Variants in DPYD observed in about 807,000 individuals in gnomAD.
DPYD encodes the protein dihydropyrimidine dehydrogenase.
A neutral mutation model predicts 116.2 loss-of-function variants in DPYD; 109 were observed. That is an observed-to-expected ratio of 0.94 (90% CI 0.80 to 1.10). The LOEUF (loss-of-function observed/expected upper bound fraction) is 1.10, where lower values mean the gene tolerates loss of function less well. Among genes scored for constraint, DPYD ranks in the 50% least tolerant of loss-of-function variants. The pLI is 0.00. For missense variants in DPYD, 1,302 were observed against 1,254.5 expected, an observed-to-expected ratio of 1.04 and a Z score of -0.57; for synonymous variants, 440 against 432.0, an observed-to-expected ratio of 1.02 and a Z score of -0.23.
intron 15 of DPYD, among the ~76,000 whole-genome samples, chr1:97,374,420 A>G (rs963987033): frequency 6.6e-6 from 1 of 152,160 alleles, no homozygotes; most frequent in Non-Finnish European, 1.5e-5. Flanking sequence ...TAAACAAAAC[A>G]CTTTTAAAAG....
rs1007336086 is a variant in DPYD at position 97,373,552 on chromosome 1, G to C, written c.2058+9C>G. On this transcript the variant is annotated intron_variant, in intron 16 of 22. Coordinates refer to ENST00000370192, the MANE Select transcript of DPYD (RefSeq NM_000110.4). ...TGACATACTTAGTGGCAGCTGTCAA[G>C]GTCCTTACCTGCCCACAGGCCAGGC... is the stretch of plus-strand genomic sequence containing the variant. 1.2e-6 allele frequency: 2 copies of C among 1,612,996 alleles called. No individual in the cohort carries two copies. Among genetic ancestry groups the C allele is most frequent in the Non-Finnish European group, 1.7e-6 (2 of 1,179,230 alleles).
At chr1:97,282,305 A>C (rs909555851) in intron 18 of DPYD, among the ~76,000 whole-genome samples, 1 of 152,098 alleles carries the variant, frequency 6.6e-6, no homozygotes, top group Non-Finnish European at 1.5e-5. Flanking sequence ...TTTTTGATAT[A>C]TAAAAAATTA....
chr1:97,401,529 G>T (rs1471028404), intron 14 of DPYD, among the ~76,000 whole-genome samples: 2 of 152,204 alleles, frequency 1.3e-5, no homozygotes, highest in East Asian at 3.9e-4. Context: ...GGCCAGGCTG[G>T]TTTCAAACTC....
At chr1:97,546,224 G>T in intron 12 of DPYD, 1 of 1,540,146 alleles carries the variant, frequency 6.5e-7, no homozygotes, top group Non-Finnish European at 9.0e-7. Context: ...GATGGCAACA[G>T]AAGAGTAAAG....
intron 1 of DPYD, among the ~76,000 whole-genome samples, chr1:97,918,597 A>G (rs950238047): frequency 2.0e-4 from 30 of 152,170 alleles, no homozygotes; most frequent in African/African-American, 7.2e-4. Context: ...TTGGATTCAG[A>G]CTAGAAATTA....
chr1:97,708,191 T>C (rs1662088737), intron 5 of DPYD, among the ~76,000 whole-genome samples: 1 of 152,080 alleles, frequency 6.6e-6, no homozygotes, highest in East Asian at 1.9e-4. Context: ...TTTATAAATC[T>C]TGCCTTTGAT....
At chr1:97,414,746 G>A (rs779218148) in intron 14 of DPYD, among the ~76,000 whole-genome samples, 27 of 152,172 alleles carry the variant, frequency 1.8e-4, no homozygotes, top group Non-Finnish European at 1.8e-4. Context: ...TTCTAGGTGC[G>A]AAATAGGGTC....
At chr1:97,707,563 G>A (rs188264286) in intron 5 of DPYD, among the ~76,000 whole-genome samples, 176 of 151,410 alleles carry the variant, frequency 1.2e-3, no homozygotes, top group African/African-American at 4.1e-3. Context: ...TTGTTCTTGC[G>A]ATAGTTTACT....
At chr1:97,098,285 T>C (rs1302245497) in intron 21 of DPYD, among the ~76,000 whole-genome samples, 1 of 152,136 alleles carries the variant, frequency 6.6e-6, no homozygotes, top group Non-Finnish European at 1.5e-5. Context: ...TTGCCAGTGT[T>C]CTAAAAAGTA....
intron 12 of DPYD, among the ~76,000 whole-genome samples, chr1:97,529,715 CCTTTCTTTTCTTTCCTTT>C: frequency 6.9e-6 from 1 of 145,750 alleles, no homozygotes; most frequent in Admixed American, 6.8e-5. Context: ...TTTCTTTCTT[CCTTTCTTTTCTTTCCTTT>C]CTTTCCTTCT....
At chr1:97,258,563 T>C (rs1484177566) in intron 18 of DPYD, among the ~76,000 whole-genome samples, 3 of 152,134 alleles carry the variant, frequency 2.0e-5, no homozygotes, top group Non-Finnish European at 4.4e-5. Flanking sequence ...TTTCCCAAGA[T>C]CAACTCCCAA....
chr1:97,732,844 A>G (rs1663707244), intron 4 of DPYD, among the ~76,000 whole-genome samples: 1 of 152,150 alleles, frequency 6.6e-6, no homozygotes. Flanking sequence ...TTAATATTTT[A>G]TTATAGTCTG....
intron 1 of DPYD, among the ~76,000 whole-genome samples, chr1:97,906,168 T>C (rs1309589712): frequency 1.3e-5 from 2 of 152,042 alleles, no homozygotes; most frequent in African/African-American, 4.8e-5. Flanking sequence ...GATCACCTAA[T>C]TCATTTTCTG....
chr1:97,918,870 T>C (rs1159969709), intron 1 of DPYD, among the ~76,000 whole-genome samples: 10 of 152,206 alleles, frequency 6.6e-5, no homozygotes, highest in African/African-American at 1.9e-4. Context: ...TGCTTATCCA[T>C]GTATTTGAAG....
At chr1:97,284,159 T>A (rs1665509830) in intron 18 of DPYD, among the ~76,000 whole-genome samples, 2 of 152,168 alleles carry the variant, frequency 1.3e-5, no homozygotes, top group Non-Finnish European at 2.9e-5. Flanking sequence ...GTCACTTCTT[T>A]CATGTTACAT....
chr1:97,334,661 C>G (rs1669193455), intron 16 of DPYD, among the ~76,000 whole-genome samples: 1 of 152,198 alleles, frequency 6.6e-6, no homozygotes, highest in Non-Finnish European at 1.5e-5. Context: ...AACTAAGCCT[C>G]TGCTTTCCTG....
intron 16 of DPYD, chr1:97,323,075 T>C (rs1309241588): frequency 6.6e-6 from 1 of 151,338 alleles, no homozygotes; most frequent in Non-Finnish European, 1.5e-5. Context: ...TTGAACTTGG[T>C]TTTCCGATTC....
chr1:97,471,219 C>T (rs1677628794), intron 13 of DPYD, among the ~76,000 whole-genome samples: 1 of 152,074 alleles, frequency 6.6e-6, no homozygotes, highest in Admixed American at 6.5e-5. Flanking sequence ...TTTCATATTT[C>T]ATTGTCTTTA....
At chr1:97,912,184 T>C (rs573183288) in intron 1 of DPYD, among the ~76,000 whole-genome samples, 2 of 152,058 alleles carry the variant, frequency 1.3e-5, no homozygotes, top group South Asian at 2.1e-4. Flanking sequence ...CTTAATTCAG[T>C]TGAAGCATGC....
Sources: allele counts gnomAD v4.1 joint callset (sites outside exome capture counted in the v4.1 genomes callset), GRCh38; gene constraint gnomAD v4.1.1; transcripts MANE v1.5; gene names NCBI Gene and HGNC (gene_info 2026-07-23, HGNC 2026-07-21).